Variants in ABI2 observed in about 807,000 individuals in gnomAD.
The protein encoded by ABI2 is abelson interactor 2.
In ABI2, 25 loss-of-function variants were observed where a neutral mutation model predicts 59.2. The observed-to-expected ratio is 0.42, with a 90% CI of 0.31 to 0.59. The LOEUF is 0.59. Ranked by LOEUF, ABI2 falls within the 20% of genes least tolerant of loss-of-function variation. The probability of loss-of-function intolerance (pLI) is 0.14; values close to 1 mark genes in which losing one functional copy is unlikely to be tolerated. For missense variants in ABI2, 545 were observed against 681.8 expected (o/e 0.80, Z 2.23); for synonymous variants, 213 against 235.5 (o/e 0.90, Z 0.87).
Position 203,394,859 on chromosome 2 carries a change from C to T in ABI2, c.725+13C>T, listed in dbSNP as rs1359518247. 1 of 1,613,280 alleles carries T rather than the reference C, an allele frequency of 6.2e-7. No individual in the cohort carries two copies. Among genetic ancestry groups the T allele is most frequent in the Non-Finnish European group, 8.5e-7 (1 of 1,179,664 alleles). ...ATCGAACTTACAGGTATTTTCTCTA[C>T]CTCAGTGCAAAATGTGATGGTCATA... is the stretch of plus-strand genomic sequence containing the variant. On this transcript the variant is annotated intron_variant, in intron 6 of 11. Coordinates refer to ENST00000261018, the MANE Select transcript of ABI2 (RefSeq NM_001375670.1).
At chr2:203,366,816 T>C in intron 1 of ABI2, 61 bp from the exon 2 acceptor site, 6 of 1,451,970 alleles carry the variant, frequency 4.1e-6, no homozygotes, top group Non-Finnish European at 5.5e-6. Context: ...TTTTGGTAGG[T>C]TAGTTTGCTA....
chr2:203,374,763 CAT>C (rs776374672), intron 2 of ABI2: 30 of 424,408 alleles, frequency 7.1e-5, no homozygotes, highest in Non-Finnish European at 1.1e-4. Context: ...AAAATTGAGA[CAT>C]ATTTAAAAAC....
chr2:203,427,116 G>C (rs1055776650), intron 11 of ABI2, 61 bp from the exon 12 acceptor site: 20 of 1,488,834 alleles, frequency 1.3e-5, no homozygotes, highest in African/African-American at 2.8e-5. Flanking sequence ...CACTGGCTTG[G>C]TTCTGTCTTT....
chr2:203,402,557 T>C lies in ABI2; in HGVS notation c.1034-19T>C, dbSNP rs766766937. The C allele has an allele frequency of 6.9e-7, 1 of 1,442,300 alleles. No individual in the cohort carries two copies. The highest frequency in any genetic ancestry group is 9.1e-7 in the Non-Finnish European group (1 of 1,093,098). 89.3% of individuals were successfully genotyped at this position (1,442,300 alleles called of 1,614,324 possible). ...TAATTTTCTTTTAATGACATATGTA[T>C]GTTCTATCTCTTTTTCAGGTCATCC... On this transcript the variant is annotated intron_variant, in intron 8 of 11. Coordinates refer to ENST00000261018, the MANE Select transcript of ABI2 (RefSeq NM_001375670.1).
At chr2:203,368,016 A>G (rs189468761) in intron 2 of ABI2, among the ~76,000 whole-genome samples, 56 of 152,226 alleles carry the variant, frequency 3.7e-4, no homozygotes, top group African/African-American at 1.3e-3. Context: ...AAAAAAAATA[A>G]AAAAAAGTAG....
intron 4 of ABI2, among the ~76,000 whole-genome samples, chr2:203,387,850 C>T (rs1307134613): frequency 6.6e-6 from 1 of 152,072 alleles, no homozygotes; most frequent in Non-Finnish European, 1.5e-5. Flanking sequence ...CTGTCTCTCT[C>T]TCTGTCGCTG....
At chr2:203,370,226 CTT>C (rs1491275197) in intron 2 of ABI2, among the ~76,000 whole-genome samples, 206 of 126,454 alleles carry the variant, frequency 1.6e-3, no homozygotes, top group Non-Finnish European at 3.2e-3. Context: ...CTCTCTCTCT[CTT>C]TCTGTGTGTA....
At chr2:203,338,681 T>C (rs1054591338) in intron 1 of ABI2, among the ~76,000 whole-genome samples, 2 of 151,674 alleles carry the variant, frequency 1.3e-5, no homozygotes, top group Non-Finnish European at 1.5e-5. Flanking sequence ...AATGGACTGA[T>C]ACACTCCTAG....
chr2:203,356,828 A>T (rs2092189387), intron 1 of ABI2, among the ~76,000 whole-genome samples: 1 of 135,942 alleles, frequency 7.4e-6, no homozygotes, highest in Non-Finnish European at 1.6e-5. Context: ...GTTATTTCTG[A>T]AAGTTTTTGG....
chr2:203,364,603 T>C (rs1000082260), intron 1 of ABI2, among the ~76,000 whole-genome samples: 1 of 152,192 alleles, frequency 6.6e-6, no homozygotes, highest in Non-Finnish European at 1.5e-5. Context: ...CATGCAAATG[T>C]AAAATACACT....
chr2:203,347,111 T>C lies in ABI2; in HGVS notation c.117+18480T>C, dbSNP rs571041517. On this transcript the variant is annotated intron_variant, in intron 1 of 11. Coordinates refer to ENST00000261018, the MANE Select transcript of ABI2 (RefSeq NM_001375670.1). Reference sequence around the variant, plus strand: ...GCCCTAACATGTGCATCAGGTACTTTTTTGTTTTGTAGTTGGTTTTATTGG... The same window carrying C: ...GCCCTAACATGTGCATCAGGTACTTCTTTGTTTTGTAGTTGGTTTTATTGG... 6.6e-5 allele frequency among the ~76,000 whole-genome samples: 10 copies of C among 152,338 alleles called. No homozygotes were observed. In the South Asian group the frequency reaches 1.0e-3, roughly 16 times the overall value.
chr2:203,389,041 C>A (rs934315428), intron 4 of ABI2, among the ~76,000 whole-genome samples: 1 of 152,042 alleles, frequency 6.6e-6, no homozygotes, highest in Non-Finnish European at 1.5e-5. Flanking sequence ...TTGGTTACCA[C>A]TTTAAAAAAA....
chr2:203,372,883 G>C (rs1168643517), intron 2 of ABI2, among the ~76,000 whole-genome samples: 2 of 151,730 alleles, frequency 1.3e-5, no homozygotes, highest in Non-Finnish European at 2.9e-5. Context: ...GGGCAGAGGC[G>C]CTCCCCACAT....
intron 2 of ABI2, chr2:203,375,851 T>C: frequency 2.6e-6 from 1 of 381,860 alleles, no homozygotes; most frequent in Non-Finnish European, 4.7e-6. Context: ...ATGAAATAGA[T>C]TTAGTGCTCT....
chr2:203,338,789 G>C (rs1184302059), intron 1 of ABI2, among the ~76,000 whole-genome samples: 1 of 150,892 alleles, frequency 6.6e-6, no homozygotes, highest in Admixed American at 6.6e-5. Context: ...AAGAAAAGAT[G>C]AGAGTGACTA....
At chr2:203,357,803 C>CAACA (rs2092533274) in intron 1 of ABI2, among the ~76,000 whole-genome samples, 1 of 152,160 alleles carries the variant, frequency 6.6e-6, no homozygotes, top group Non-Finnish European at 1.5e-5. Context: ...GAGTCTCACT[C>CAACA]TGTTACCCAG....
intron 1 of ABI2, among the ~76,000 whole-genome samples, chr2:203,351,135 G>C (rs1311600219): frequency 6.6e-6 from 1 of 151,864 alleles, no homozygotes; most frequent in East Asian, 1.9e-4. Context: ...AATTGTTTTG[G>C]CATCTTCGTC....
intron 11 of ABI2, among the ~76,000 whole-genome samples, chr2:203,426,521 G>A (rs2153612533): frequency 6.6e-6 from 1 of 152,210 alleles, no homozygotes; most frequent in African/African-American, 2.4e-5. Context: ...TGATTTTCTT[G>A]TCACTTTTAG....
intron 2 of ABI2, among the ~76,000 whole-genome samples, chr2:203,368,210 T>G (rs1343088314): frequency 1.3e-5 from 2 of 152,190 alleles, no homozygotes; most frequent in African/African-American, 4.8e-5. Flanking sequence ...TTTGGGGCCA[T>G]TTAAAATAAT....
Sources: gnomAD v4.1 joint callset for allele counts (sites outside exome capture counted in the v4.1 genomes callset) on GRCh38, gnomAD v4.1.1 for gene constraint, MANE v1.5 for transcripts, NCBI Gene and HGNC (gene_info 2026-07-23, HGNC 2026-07-21) for gene names.